The following NEBL variants were observed in gnomAD, a reference collection of about 807,000 sequenced individuals.
NEBL encodes nebulette.
A neutral mutation model predicts 140.2 loss-of-function variants in NEBL; 122 were observed. The ratio of observed to expected loss-of-function variants is 0.87; its 90% CI spans 0.75 to 1.01. The LOEUF (loss-of-function observed/expected upper bound fraction) is 1.01, where lower values mean the gene tolerates loss of function less well. NEBL is among the 50% of genes least tolerant of loss of function. NEBL has a pLI of 0.00. For synonymous variants in NEBL, 436 were observed against 398.9 expected (o/e 1.09, Z -1.11); for missense variants, 1,365 against 1,231.3 (o/e 1.11, Z -1.62).
intron 2 of NEBL, among the ~76,000 whole-genome samples, chr10:21,073,279 C>A (rs1440273424): frequency 1.3e-5 from 2 of 151,290 alleles, no homozygotes; most frequent in Non-Finnish European, 2.9e-5. Flanking sequence ...GCCATGATTG[C>A]ACCACTGCAC....
intron 3 of NEBL, among the ~76,000 whole-genome samples, chr10:20,995,911 T>C (rs1837647482): frequency 6.6e-6 from 1 of 150,722 alleles, no homozygotes; most frequent in Non-Finnish European, 1.5e-5. Flanking sequence ...ACTAATTCTT[T>C]TTCCTTTACA....
intron 3 of NEBL, among the ~76,000 whole-genome samples, chr10:21,202,237 T>G (rs1040883726): frequency 6.6e-6 from 1 of 152,166 alleles, no homozygotes; most frequent in Non-Finnish European, 1.5e-5. Flanking sequence ...TAGGTAATTT[T>G]AAAAATGAGT....
In NEBL at chr10:21,272,839, G is replaced by A. The variant is rs145374215; in HGVS notation, n.182+19991C>T. Among the ~76,000 whole-genome samples, 41 of 152,184 alleles carry A rather than the reference G, an allele frequency of 2.7e-4. 1 individual carries two copies. The East Asian group carries it at 5.0e-3, about 19-fold the overall frequency. On this transcript the variant is annotated intron_variant and non_coding_transcript_variant, in intron 1 of 8. Transcript: ENST00000675702. ...CTTCCTCCTCCCTGGACAGTTGAGCGTGCATTTTTTGCTTTATTGATATTA... is the reference window on the plus strand; with the variant it reads ...CTTCCTCCTCCCTGGACAGTTGAGCATGCATTTTTTGCTTTATTGATATTA...
intron 2 of NEBL, among the ~76,000 whole-genome samples, chr10:21,109,116 T>C (rs1197578509): frequency 6.6e-6 from 1 of 152,202 alleles, no homozygotes; most frequent in Non-Finnish European, 1.5e-5. Flanking sequence ...GCCCATTCAG[T>C]ATGATATTGG....
chr10:21,162,791 T>C (rs757939977), intron 2 of NEBL, among the ~76,000 whole-genome samples: 2 of 152,194 alleles, frequency 1.3e-5, no homozygotes, highest in Non-Finnish European at 2.9e-5. Flanking sequence ...AGTAATTGAT[T>C]GAGAGATTCA....
intron 3 of NEBL, among the ~76,000 whole-genome samples, chr10:20,993,785 G>C (rs1193062898): frequency 6.6e-6 from 1 of 152,280 alleles, no homozygotes; most frequent in Admixed American, 6.5e-5. Flanking sequence ...ATTCAAAAAG[G>C]GGGAGGTGAC....
intron 4 of NEBL, among the ~76,000 whole-genome samples, chr10:20,959,771 C>T (rs966963458): frequency 2.0e-5 from 3 of 151,656 alleles, no homozygotes; most frequent in Middle Eastern, 3.4e-3. Flanking sequence ...ATTAAGACAT[C>T]GCAAAAAGTT....
At chr10:21,172,521 G>A (rs1374831151) in intron 1 of NEBL, 3 of 1,450,938 alleles carry the variant, frequency 2.1e-6, no homozygotes, top group Non-Finnish European at 2.9e-6. Context: ...TACAATGCCA[G>A]TTCTCACCAG....
intron 7 of NEBL, chr10:20,868,274 T>C (rs1374717853): frequency 2.6e-5 from 4 of 155,992 alleles, no homozygotes; most frequent in Non-Finnish European, 5.6e-5. Flanking sequence ...CACTTGAAAA[T>C]TGGGAAAATT....
upstream of NEBL, among the ~76,000 whole-genome samples, chr10:20,901,004 C>T (rs1048445407): frequency 4.0e-5 from 6 of 151,872 alleles, no homozygotes; most frequent in Admixed American, 2.6e-4. Context: ...GGTGACAGAG[C>T]GAGACTCCCT....
intron 3 of NEBL, among the ~76,000 whole-genome samples, chr10:21,010,525 A>T (rs1838297592): frequency 6.6e-6 from 1 of 151,916 alleles, no homozygotes; most frequent in Non-Finnish European, 1.5e-5. Context: ...AAGCACTGGG[A>T]TTACGGGCAT....
At chr10:20,942,945 G>T (rs1457774894) in intron 4 of NEBL, among the ~76,000 whole-genome samples, 1 of 152,202 alleles carries the variant, frequency 6.6e-6, no homozygotes, top group East Asian at 1.9e-4. Context: ...AACAACAGGT[G>T]CTGGAGAGGA....
Position 21,028,248 on chromosome 10 carries a change from A to AGAAGAAGAAGAAGAAGAAGAAGAAG in NEBL, c.165-8048_165-8047insCTTCTTCTTCTTCTTCTTCTTCTTC, listed in dbSNP as rs1554819352. Among the ~76,000 whole-genome samples, 6 of 32,120 alleles carry AGAAGAAGAAGAAGAAGAAGAAGAAG rather than the reference A, an allele frequency of 1.9e-4. No homozygotes were observed. The East Asian group carries it at 8.9e-3, about 48-fold the overall frequency. 21.1% of individuals were successfully genotyped at this position (32,120 alleles called of 152,430 possible). A position where few individuals can be genotyped will look rare whatever the true frequency, so the allele number is the denominator to read the frequency against. On this transcript the variant is annotated intron_variant, in intron 2 of 6. Transcript: ENST00000417816. ...TCTCAAACATCTCAAAAAAAAAAAA[A>AGAAGAAGAAGAAGAAGAAGAAGAAG]AAAAAAAAGAAGAAGAAGAAGAAGA...
chr10:21,016,147 C>T (rs1411964987), intron 3 of NEBL, among the ~76,000 whole-genome samples: 1 of 152,336 alleles, frequency 6.6e-6, no homozygotes, highest in Non-Finnish European at 1.5e-5. Context: ...CAAAAGGGAA[C>T]TAGTAACTAT....
At chr10:20,798,206 T>A (rs563853114) in intron 26 of NEBL, among the ~76,000 whole-genome samples, 2 of 151,378 alleles carry the variant, frequency 1.3e-5, no homozygotes, top group East Asian at 3.9e-4. Flanking sequence ...AGGGATAAAG[T>A]ACATGACAAA....
chr10:21,185,471 G>T (rs567153700), intron 3 of NEBL, among the ~76,000 whole-genome samples: 1 of 146,044 alleles, frequency 6.8e-6, no homozygotes, highest in African/African-American at 2.5e-5. Flanking sequence ...CTTCTCTTTC[G>T]GTTCCATTTT....
chr10:21,025,916 A>G (rs1448879860), intron 2 of NEBL, among the ~76,000 whole-genome samples: 1 of 152,118 alleles, frequency 6.6e-6, no homozygotes, highest in Non-Finnish European at 1.5e-5. Context: ...TTATAATATT[A>G]TTATCACTAT....
chr10:21,146,108 T>C (rs1839879285), intron 2 of NEBL, among the ~76,000 whole-genome samples: 1 of 152,194 alleles, frequency 6.6e-6, no homozygotes, highest in African/African-American at 2.4e-5. Flanking sequence ...AGTCTTCCTT[T>C]ACAAATCTCC....
intron 2 of NEBL, among the ~76,000 whole-genome samples, chr10:21,151,669 C>A (rs1003063712): frequency 6.6e-6 from 1 of 152,138 alleles, no homozygotes; most frequent in Admixed American, 6.5e-5. Context: ...TTCCTCCTTT[C>A]CACACAGGCT....
Sources: allele counts gnomAD v4.1 joint callset (sites outside exome capture counted in the v4.1 genomes callset), GRCh38; gene constraint gnomAD v4.1.1; transcripts MANE v1.5; gene names NCBI Gene and HGNC (gene_info 2026-07-23, HGNC 2026-07-21).